UBE2B: variants seen among roughly 807,000 people sequenced by gnomAD.
UBE2B encodes ubiquitin conjugating enzyme E2 B.
Under a neutral mutation model 24.6 loss-of-function variants are expected in UBE2B, and 11 were observed. The ratio of observed to expected loss-of-function variants is 0.45; its 90% CI spans 0.28 to 0.74. The LOEUF is 0.74. Ranked by LOEUF, UBE2B falls within the 30% of genes least tolerant of loss-of-function variation. UBE2B has a pLI of 0.13. For synonymous variants in UBE2B, 68 were observed against 62.4 expected (o/e 1.09, Z -0.42); for missense variants, 78 against 185.6 (o/e 0.42, Z 3.37).
At chr5:134,388,946 GTTTTTTT>G in intron 5 of UBE2B, 55 of 172,190 alleles carry the variant, frequency 3.2e-4, no homozygotes, top group Non-Finnish European at 4.1e-4. Context: ...TTCTTTAATT[GTTTTTTT>G]TTTTTTTTTT....
intron 1 of UBE2B, 144 bp downstream of exon 1, chr5:134,371,783 C>A: frequency 8.0e-7 from 1 of 1,249,358 alleles, no homozygotes; most frequent in South Asian, 1.3e-5. Flanking sequence ...GTCCTAGCCT[C>A]GGCCCTACTC....
intron 3 of UBE2B, among the ~76,000 whole-genome samples, chr5:134,379,816 G>A (rs1413735364): frequency 6.6e-6 from 1 of 152,192 alleles, no homozygotes; most frequent in African/African-American, 2.4e-5. Flanking sequence ...AGTCATTAAA[G>A]AGACAGTTGC....
intron 2 of UBE2B, 171 bp downstream of exon 2, chr5:134,374,634 C>G: frequency 1.4e-6 from 1 of 729,540 alleles, no homozygotes; most frequent in Non-Finnish European, 2.2e-6. Flanking sequence ...TGGCCCAGCA[C>G]AGTAGTAGCT....
chr5:134,375,855 A>AT (rs943793434), intron 2 of UBE2B, among the ~76,000 whole-genome samples: 2 of 151,092 alleles, frequency 1.3e-5, no homozygotes, highest in African/African-American at 4.9e-5. Flanking sequence ...GAAAGATGAA[A>AT]TTGGGATGTG....
In UBE2B at chr5:134,391,998, A is replaced by G. The variant is rs1758904756; in HGVS notation, c.*1645A>G. The G allele has an allele frequency of 6.6e-6, 1 of 152,160 alleles. No individual in the cohort carries two copies. The highest frequency in any genetic ancestry group is 6.6e-5 in the Admixed American group (1 of 15,258). 9.4% of individuals were successfully genotyped at this position (152,160 alleles called of 1,614,324 possible). ...AAAAGCTATTACTTGGCAAATTCTG[A>G]GGTAAGTGTATGATCTTAGGGAACT... On this transcript the variant is annotated 3_prime_UTR_variant, in exon 6 of 6. Coordinates refer to ENST00000265339, the MANE Select transcript of UBE2B (RefSeq NM_003337.4).
chr5:134,378,249 A>T (rs1042583216), intron 3 of UBE2B, among the ~76,000 whole-genome samples: 1 of 151,976 alleles, frequency 6.6e-6, no homozygotes, highest in East Asian at 1.9e-4. Flanking sequence ...ACCCTTGAGT[A>T]TCTATGTGGG....
In UBE2B at chr5:134,388,309, A is replaced by G. The variant is rs1581327051; in HGVS notation, c.242-16A>G. Reference sequence around the variant, plus strand: ...TATGGCAGAGTGTGTAACTAATTTTAGTATTGTCTTTGCAGTGTATGCTGA... The same window carrying G: ...TATGGCAGAGTGTGTAACTAATTTTGGTATTGTCTTTGCAGTGTATGCTGA... On this transcript the variant is annotated splice_polypyrimidine_tract_variant and intron_variant, in intron 4 of 5. Coordinates refer to ENST00000265339, the MANE Select transcript of UBE2B (RefSeq NM_003337.4). 1.2e-6 allele frequency: 2 copies of G among 1,608,184 alleles called. No homozygotes were observed. The highest frequency in any genetic ancestry group is 2.2e-5 in the East Asian group (1 of 44,838).
rs753589485 is a variant in UBE2B, at chr5:134,382,291, A to C, written c.241+1483A>C. ...AACATAGCGAGGTCCCATCCCTATAAAAAACAAAAAAAATATCAAGGCATG... is the reference window on the plus strand; with the variant it reads ...AACATAGCGAGGTCCCATCCCTATACAAAACAAAAAAAATATCAAGGCATG... On this transcript the variant is annotated intron_variant, in intron 4 of 5. Transcript: ENST00000265339. 5.8e-4 allele frequency among the ~76,000 whole-genome samples: 87 copies of C among 150,350 alleles called. No homozygotes were observed. The Middle Eastern group carries it at 0.01, about 18-fold the overall frequency.
At chr5:134,388,464 A>G in intron 5 of UBE2B, 51 bp downstream of exon 5, 1 of 1,532,742 alleles carries the variant, frequency 6.5e-7, no homozygotes, top group Admixed American at 1.7e-5. Flanking sequence ...TGTAGGATAT[A>G]GTCAGCTCCT....
chr5:134,373,262 A>G (rs1758524951), intron 1 of UBE2B, among the ~76,000 whole-genome samples: 1 of 151,812 alleles, frequency 6.6e-6, no homozygotes, highest in Non-Finnish European at 1.5e-5. Context: ...CTAGTTTCCT[A>G]GTTAAATTTA....
chr5:134,379,594 T>C (rs1231145787), intron 3 of UBE2B, among the ~76,000 whole-genome samples: 1 of 142,780 alleles, frequency 7.0e-6, no homozygotes, highest in Admixed American at 7.6e-5. Context: ...TGCAGTAAGC[T>C]GAGATGGTGC....
rs760044522 is a variant in UBE2B at position 134,390,320 on chromosome 5, G to C, written c.426G>C (p.Ser142=). ...AACGAGAATATGAGAAAAGAGTTTC[G>C]GCCATTGTTGAACAAAGCTGGAATG... is the stretch of plus-strand genomic sequence containing the variant. ...ENKREYEKRV[S]AIVEQSWNDS The change falls in exon 6 of 6, where the codon TCG becomes TCC. Residue 142 remains serine (S), a synonymous_variant. Coordinates refer to ENST00000265339, the MANE Select transcript of UBE2B (RefSeq NM_003337.4). This position sits in a 1 kb window ranked among gnomAD's most constrained non-coding sequence, Gnocchi z 4.6. 1.2e-6 allele frequency: 2 copies of C among 1,613,946 alleles called. No homozygotes were observed. Among genetic ancestry groups the C allele is most frequent in the Non-Finnish European group, 1.7e-6 (2 of 1,179,954 alleles).
chr5:134,390,155 T>G lies in UBE2B; in HGVS notation c.331-70T>G. 12 of 1,582,030 alleles carry G rather than the reference T, an allele frequency of 7.6e-6. No homozygotes were observed. The highest frequency in any genetic ancestry group is 1.0e-5 in the Non-Finnish European group (12 of 1,156,264). The stretch of plus-strand genomic sequence containing the variant: ...TTTTGTATAACTTTTCTGTAATATA[T>G]TCCATATCTGACCCCTGTTGGTATA... On this transcript the variant is annotated intron_variant, in intron 5 of 5. Transcript: ENST00000265339. This position sits in a 1 kb window ranked among gnomAD's most constrained non-coding sequence, Gnocchi z 4.6.
chr5:134,375,118 C>T (rs1214382293), intron 2 of UBE2B, among the ~76,000 whole-genome samples: 1 of 152,046 alleles, frequency 6.6e-6, no homozygotes, highest in Non-Finnish European at 1.5e-5. Flanking sequence ...AAACATATCA[C>T]GCAAATGCTC....
intron 5 of UBE2B, 106 bp downstream of exon 5, chr5:134,388,519 C>A (rs1375850553): frequency 7.9e-6 from 8 of 1,012,492 alleles, no homozygotes; most frequent in Non-Finnish European, 1.2e-5. Context: ...AGAATCCATG[C>A]TTTTCAGCTA....
chr5:134,376,405 T>C (rs1758612168), intron 2 of UBE2B, among the ~76,000 whole-genome samples: 1 of 128,060 alleles, frequency 7.8e-6, no homozygotes, highest in Non-Finnish European at 1.6e-5. Flanking sequence ...TAATGAAAGT[T>C]TTTTTGTGCT....
intron 4 of UBE2B, 30 bp downstream of exon 4, chr5:134,380,838 G>A: frequency 1.4e-6 from 2 of 1,440,736 alleles, no homozygotes. Context: ...TTTTGCAGAT[G>A]ATAGTGGGGA....
In UBE2B at chr5:134,390,222, T is replaced by A; in HGVS notation, c.331-3T>A. ...ATCTGTTTTTTCTTTTCTTTCCTCCTAGTCTCTGCTGGATGAACCGAATCC... is the reference window on the plus strand; with the variant it reads ...ATCTGTTTTTTCTTTTCTTTCCTCCAAGTCTCTGCTGGATGAACCGAATCC... On this transcript the variant is annotated splice_region_variant and splice_polypyrimidine_tract_variant and intron_variant, in intron 5 of 5. Transcript: ENST00000265339. This position sits in a 1 kb window ranked among gnomAD's most constrained non-coding sequence, Gnocchi z 4.6. 1 of 1,614,052 alleles carries A rather than the reference T, an allele frequency of 6.2e-7. No individual in the cohort carries two copies. Among genetic ancestry groups the A allele is most frequent in the Non-Finnish European group, 8.5e-7 (1 of 1,179,978 alleles).
intron 2 of UBE2B, among the ~76,000 whole-genome samples, chr5:134,376,336 A>ATATATATATAT (rs1412262320): frequency 0.019 from 78 of 4,102 alleles, 2 homozygotes; most frequent in Non-Finnish European, 0.042. Flanking sequence ...AAAAAAAAAA[A>ATATATATATAT]AAAAAAAAAA....
Sources: gnomAD v4.1 joint callset for allele counts (sites outside exome capture counted in the v4.1 genomes callset) on GRCh38, gnomAD v4.1.1 for gene constraint, Gnocchi (gnomAD v3.1) non-coding constraint, MANE v1.5 for transcripts, NCBI Gene and HGNC (gene_info 2026-07-23, HGNC 2026-07-21) for gene names.